ZNF274: variants seen among roughly 807,000 people sequenced by gnomAD.
ZNF274 encodes the protein neurotrophin receptor-interacting factor homolog.
ZNF274 carries 23 observed loss-of-function variants against 42.5 expected under a neutral mutation model. The observed-to-expected ratio is 0.54, with a 90% CI of 0.39 to 0.77. The LOEUF (loss-of-function observed/expected upper bound fraction) is 0.77, where lower values mean the gene tolerates loss of function less well. ZNF274 is among the 30% of genes least tolerant of loss of function. ZNF274 has a pLI of 0.00. For missense variants in ZNF274, 679 were observed against 806.5 expected, an observed-to-expected ratio of 0.84 and a Z score of 1.91; for synonymous variants, 292 against 305.4, an observed-to-expected ratio of 0.96 and a Z score of 0.46.
Position 58,207,029 on chromosome 19 carries a change from G to A in ZNF274, c.566G>A (p.Trp189Ter). Residue 189 changes from tryptophan to a stop codon, truncating the protein, a stop_gained, in exon 5 of 8, where the codon TGG becomes TAG. Transcript: ENST00000617501. LOFTEE classifies it high-confidence loss of function. This position sits in a 1 kb window ranked among gnomAD's most constrained non-coding sequence, Gnocchi z 5.6. ...LDQLRELCHQ[W>*]LQPKARSKEQ... ...CAGCTCCGAGAGCTGTGTCACCAGT[G>A]GCTACAGCCTAAGGCACGCTCCAAG... 6.2e-7 allele frequency: 1 copy of A among 1,612,176 alleles called. No homozygotes were observed. The highest frequency in any genetic ancestry group is 8.5e-7 in the Non-Finnish European group (1 of 1,179,222).
At chr19:58,187,464 G>A (rs926372533) in intron 4 of ZNF274, among the ~76,000 whole-genome samples, 2 of 152,136 alleles carry the variant, frequency 1.3e-5, no homozygotes, top group African/African-American at 4.8e-5. Context: ...CTCTGTCACC[G>A]AGGCTGGAGT....
chr19:58,209,814 GGGAA>G (rs913958265), intron 5 of ZNF274, 143 bp from the exon 6 acceptor site: 2 of 586,452 alleles, frequency 3.4e-6, no homozygotes, highest in South Asian at 2.0e-5. Flanking sequence ...CAGAGCTGGT[GGGAA>G]GGGAGGACAG....
intron 4 of ZNF274, among the ~76,000 whole-genome samples, chr19:58,199,417 G>A (rs2075883183): frequency 6.6e-6 from 1 of 152,062 alleles, no homozygotes; most frequent in South Asian, 2.1e-4. Context: ...CATAGTAATA[G>A]CTTGGCTTGG....
In ZNF274 at chr19:58,189,846, C is replaced by T. The variant is rs115296758; in HGVS notation, c.256+2804C>T. ...AATTCTTTGATCTTTTTTGGCCGGG[C>T]GGGCACGGTGGCTCACACCTGTAAT... On this transcript the variant is annotated intron_variant, in intron 4 of 7. Coordinates refer to ENST00000617501, the MANE Select transcript of ZNF274 (RefSeq NM_133502.3). Among the ~76,000 whole-genome samples the T allele has an allele frequency of 4.9e-3, 747 of 152,108 alleles. 6 individuals carry two copies. Among genetic ancestry groups the T allele is most frequent in the African/African-American group, 0.015 (633 of 41,514 alleles).
At chr19:58,188,162 T>G (rs1293332512) in intron 4 of ZNF274, among the ~76,000 whole-genome samples, 1 of 152,138 alleles carries the variant, frequency 6.6e-6, no homozygotes, top group South Asian at 2.1e-4. Flanking sequence ...AGGTTGGATT[T>G]CTAAATATGG....
chr19:58,184,092 T>C, intron 2 of ZNF274, 94 bp downstream of exon 2: 1 of 1,397,100 alleles, frequency 7.2e-7, no homozygotes, highest in Non-Finnish European at 9.9e-7. Context: ...GATACCCCCA[T>C]CCTCCAGAGC....
chr19:58,193,265 GC>G (rs1266773108), intron 4 of ZNF274, among the ~76,000 whole-genome samples: 1 of 151,236 alleles, frequency 6.6e-6, no homozygotes, highest in Admixed American at 6.6e-5. Flanking sequence ...TCCTGCCTCA[GC>G]CTCCCGAGTA....
intron 4 of ZNF274, among the ~76,000 whole-genome samples, chr19:58,195,969 G>C (rs895161170): frequency 1.3e-5 from 2 of 152,136 alleles, no homozygotes; most frequent in African/African-American, 4.8e-5. Flanking sequence ...GGGACCCCTG[G>C]TTTAAGTAGA....
In ZNF274 at chr19:58,186,798, C is replaced by T. The variant is rs1369526237; in HGVS notation, c.161-149C>T. 7 of 646,254 alleles carry T rather than the reference C, an allele frequency of 1.1e-5. No homozygotes were observed. The East Asian group carries it at 1.6e-4, about 15-fold the overall frequency. The allele number at this position is 646,254 out of a possible 1,614,324, so 40.0% of individuals were successfully genotyped here. ...CAAAGGAGTCTAGGAAAGCCAACAA[C>T]AGGGATGGATGGAGTTGTGTTCACT... On this transcript the variant is annotated intron_variant, in intron 3 of 7. Coordinates refer to ENST00000617501, the MANE Select transcript of ZNF274 (RefSeq NM_133502.3).
At chr19:58,188,653 AATAG>A (rs2075733923) in intron 4 of ZNF274, among the ~76,000 whole-genome samples, 1 of 105,122 alleles carries the variant, frequency 9.5e-6, no homozygotes, top group Non-Finnish European at 1.9e-5. Context: ...ATATGTAAAA[AATAG>A]ATGTGTGTGT....
At chr19:58,189,481 G>T (rs1363908053) in intron 4 of ZNF274, among the ~76,000 whole-genome samples, 6 of 152,158 alleles carry the variant, frequency 3.9e-5, no homozygotes, top group Non-Finnish European at 7.4e-5. Context: ...TCTGCTTATT[G>T]GAAATATCAT....
In ZNF274 at chr19:58,213,132, C is replaced by T; in HGVS notation, c.1951C>T (p.Pro651Ser). The change falls in exon 8 of 8, where the codon CCT becomes TCT. Residue 651 changes from proline (P) to serine (S), a missense_variant. Around this residue, in one of 2 missense-constraint regions of ZNF274, gnomAD observed 456 missense variants for 590.1 expected, o/e 0.77. Transcript: ENST00000617501. ...TAGGACAAAGCGAAAGAAGAAACAG[C>T]CTACCTCATAGCTCTCAAGCCAGTT... ...HNRTKRKKKQ[P>S]TS 1 of 1,608,960 alleles carries T rather than the reference C, an allele frequency of 6.2e-7. No homozygotes were observed. Among genetic ancestry groups the T allele is most frequent in the Non-Finnish European group, 8.5e-7 (1 of 1,176,844 alleles).
chr19:58,188,295 T>TG (rs564166819), intron 4 of ZNF274, among the ~76,000 whole-genome samples: 2 of 148,166 alleles, frequency 1.3e-5, no homozygotes, highest in Admixed American at 1.4e-4. Context: ...GAGGCTGAGG[T>TG]GGGAGGTTGT....
chr19:58,207,275 T>C lies in ZNF274; in HGVS notation c.739+73T>C. ...AGTACCCTGTGGGGGAGATAAGAAC[T>C]CCAGGCTTCCTAGGAAGGTCATGGG... On this transcript the variant is annotated intron_variant, in intron 5 of 7. Coordinates refer to ENST00000617501, the MANE Select transcript of ZNF274 (RefSeq NM_133502.3). This position sits in a 1 kb window ranked among gnomAD's most constrained non-coding sequence, Gnocchi z 5.6. The C allele has an allele frequency of 6.7e-7, 1 of 1,497,396 alleles. No homozygotes were observed. Among genetic ancestry groups the C allele is most frequent in the Non-Finnish European group, 8.9e-7 (1 of 1,122,856 alleles). 92.8% of individuals were successfully genotyped at this position (1,497,396 alleles called of 1,614,324 possible).
At chr19:58,186,859 G>C (rs1035948016) in intron 3 of ZNF274, 88 bp from the exon 4 acceptor site, 1 of 1,115,872 alleles carries the variant, frequency 9.0e-7, no homozygotes, top group African/African-American at 1.5e-5. Context: ...TAGCAGGGGA[G>C]AAGCTGGAGA....
intron 6 of ZNF274, chr19:58,210,280 C>T (rs1272071838): frequency 8.4e-6 from 4 of 478,490 alleles, no homozygotes; most frequent in Non-Finnish European, 1.5e-5. Context: ...CTGGAGACAA[C>T]GCATGGTGAC....
rs890715575 is a variant in ZNF274, at chr19:58,208,445, C to G, written c.739+1243C>G. ...AAGTTGCCTCACATGACAAAGGGGA[C>G]TTTGCAGAAACAATTAAGGATCTTG... On this transcript the variant is annotated intron_variant, in intron 5 of 7. Transcript: ENST00000617501. The surrounding 1 kb of genome is among the most constrained non-coding windows in gnomAD (Gnocchi z 4.5). 6.6e-6 allele frequency: 1 copy of G among 152,206 alleles called. No homozygotes were observed. Among genetic ancestry groups the G allele is most frequent in the Non-Finnish European group, 1.5e-5 (1 of 68,072 alleles). 9.4% of individuals were successfully genotyped at this position (152,206 alleles called of 1,614,324 possible).
chr19:58,211,198 C>T lies in ZNF274; in HGVS notation c.853-362C>T, dbSNP rs972951544. On this transcript the variant is annotated intron_variant, in intron 6 of 7. Transcript: ENST00000617501. The surrounding 1 kb of genome is among the most constrained non-coding windows in gnomAD (Gnocchi z 4.8). ...TCAGCCCTGTCGACAAAGGCAGGGG[C>T]TTGGTTGTCATTTCCACCAAGTGGG... 7 of 172,302 alleles carry T rather than the reference C, an allele frequency of 4.1e-5. No individual in the cohort carries two copies. Among genetic ancestry groups the T allele is most frequent in the East Asian group, 1.4e-4 (1 of 6,978 alleles). 10.7% of individuals were successfully genotyped at this position (172,302 alleles called of 1,614,324 possible).
intron 3 of ZNF274, 90 bp from the exon 4 acceptor site, chr19:58,186,857 G>A: frequency 9.3e-7 from 1 of 1,080,804 alleles, no homozygotes; most frequent in South Asian, 1.4e-5. Context: ...CTTAGCAGGG[G>A]AGAAGCTGGA....
Sources: gnomAD v4.1 joint callset for allele counts (sites outside exome capture counted in the v4.1 genomes callset) on GRCh38, gnomAD v4.1.1 for gene constraint, gnomAD v4.1.1 regional missense constraint, Gnocchi (gnomAD v3.1) non-coding constraint, MANE v1.5 for transcripts, NCBI Gene and HGNC (gene_info 2026-07-23, HGNC 2026-07-21) for gene names.